The following CDH2 variants were observed in gnomAD, a reference collection of about 807,000 sequenced individuals.
The protein encoded by CDH2 is cadherin 2.
In CDH2, 17 loss-of-function variants were observed where a neutral mutation model predicts 92.0. The ratio of observed to expected loss-of-function variants is 0.18; its 90% CI spans 0.13 to 0.28. CDH2 has a LOEUF of 0.28. Ranked by LOEUF, CDH2 falls within the 10% of genes least tolerant of loss-of-function variation. The pLI, the probability that CDH2 is intolerant of heterozygous loss-of-function variation, is 1.00. For synonymous variants in CDH2, 419 were observed against 415.9 expected, an observed-to-expected ratio of 1.01 and a Z score of -0.09; for missense variants, 862 against 1,133.1, an observed-to-expected ratio of 0.76 and a Z score of 3.44.
intron 14 of CDH2, among the ~76,000 whole-genome samples, chr18:27,972,971 A>G (rs991671475): frequency 2.0e-5 from 3 of 152,196 alleles, no homozygotes; most frequent in African/African-American, 7.2e-5. Context: ...GGACTACGTT[A>G]AAAAAGTGTG....
At chr18:28,003,235 ATATT>A (rs1374069172) in intron 6 of CDH2, 66 bp from the exon 7 acceptor site, 38 of 1,226,864 alleles carry the variant, frequency 3.1e-5, no homozygotes, top group Middle Eastern at 1.9e-4. Context: ...AATAGAAGGT[ATATT>A]TATTGTTTTG....
Position 27,978,738 on chromosome 18 carries a change from G to A in CDH2, c.2349+4206C>T, listed in dbSNP as rs190139613. On this transcript the variant is annotated intron_variant, in intron 14 of 15. Coordinates refer to ENST00000269141, the MANE Select transcript of CDH2 (RefSeq NM_001792.5). Reference sequence around the variant, plus strand: ...CATAATCACAGCTCACTGCGGCCTCGACCTCCCAGGCTCAAGCAGTCCTCC... The same window carrying A: ...CATAATCACAGCTCACTGCGGCCTCAACCTCCCAGGCTCAAGCAGTCCTCC... Among the ~76,000 whole-genome samples, 129 of 152,040 alleles carry A rather than the reference G, an allele frequency of 8.5e-4. 1 individual carries two copies. Among genetic ancestry groups the A allele is most frequent in the Non-Finnish European group, 1.9e-4 (13 of 67,974 alleles).
At chr18:28,138,950 AT>A (rs2015908491) in intron 2 of CDH2, among the ~76,000 whole-genome samples, 2 of 152,112 alleles carry the variant, frequency 1.3e-5, no homozygotes, top group Non-Finnish European at 2.9e-5. Context: ...TGACAGTAGT[AT>A]TCTTGCAGAA....
chr18:27,998,775 C>T (rs1335615138), intron 7 of CDH2, among the ~76,000 whole-genome samples: 9 of 152,118 alleles, frequency 5.9e-5, no homozygotes, highest in South Asian at 4.2e-4. Context: ...TGCACCACCA[C>T]GCCTGGCTAA....
At chr18:28,147,992 G>A (rs900245802) in intron 1 of CDH2, among the ~76,000 whole-genome samples, 2 of 152,102 alleles carry the variant, frequency 1.3e-5, no homozygotes, top group Admixed American at 1.3e-4. Flanking sequence ...CACTTGTCTA[G>A]TCCAGTAAAA....
At chr18:27,946,702 A>G (rs17467858), downstream of CDH2, among the ~76,000 whole-genome samples, 573 of 152,168 alleles carry the variant, frequency 3.8e-3, 2 homozygotes, top group Non-Finnish European at 6.7e-3. Context: ...TTGAAAAAAC[A>G]AAGTATAAGA....
intron 2 of CDH2, among the ~76,000 whole-genome samples, chr18:28,028,735 A>T (rs907388874): frequency 6.6e-6 from 1 of 152,164 alleles, no homozygotes; most frequent in South Asian, 2.1e-4. Context: ...CAAGTAAACT[A>T]TAAGAATTTA....
intron 6 of CDH2, among the ~76,000 whole-genome samples, chr18:27,940,293 C>T (rs964134546): frequency 1.3e-5 from 2 of 152,148 alleles, no homozygotes; most frequent in Non-Finnish European, 2.9e-5. Context: ...AATCCAGACT[C>T]GCTCTTCTCT....
At chr18:27,986,715 T>C (rs1418099967) in intron 11 of CDH2, among the ~76,000 whole-genome samples, 3 of 152,138 alleles carry the variant, frequency 2.0e-5, no homozygotes, top group African/African-American at 4.8e-5. Flanking sequence ...GGAGGAATGT[T>C]TACCAACTTC....
In CDH2 at chr18:28,031,034, A is replaced by C. The variant is rs191950229; in HGVS notation, c.173-17125T>G. ...AAGGTTTTAAAAACCACCTGTACCA[A>C]GATGAATCTTGAATATATATGTCTA... On this transcript the variant is annotated intron_variant, in intron 2 of 15. Coordinates refer to ENST00000269141, the MANE Select transcript of CDH2 (RefSeq NM_001792.5). Among the ~76,000 whole-genome samples, 13 of 151,464 alleles carry C rather than the reference A, an allele frequency of 8.6e-5. No homozygotes were observed. In the East Asian group the frequency reaches 2.5e-3, roughly 30 times the overall value.
At chr18:28,076,532 C>T (rs1270904141) in intron 2 of CDH2, among the ~76,000 whole-genome samples, 2 of 151,984 alleles carry the variant, frequency 1.3e-5, no homozygotes, top group East Asian at 3.9e-4. Flanking sequence ...ATTTTAGATA[C>T]AGTTTTTTTT....
intron 14 of CDH2, among the ~76,000 whole-genome samples, chr18:27,971,942 C>T (rs2011671507): frequency 6.6e-6 from 1 of 152,210 alleles, no homozygotes; most frequent in Admixed American, 6.5e-5. Flanking sequence ...GCTTCATTCT[C>T]TAACACTTAA....
intron 2 of CDH2, among the ~76,000 whole-genome samples, chr18:28,089,126 A>G (rs2144207759): frequency 6.6e-6 from 1 of 152,318 alleles, no homozygotes; most frequent in Non-Finnish European, 1.5e-5. Flanking sequence ...TTTACATGTC[A>G]TTCAACTCTA....
chr18:28,028,136 G>C (rs2013606811), intron 2 of CDH2, among the ~76,000 whole-genome samples: 1 of 151,600 alleles, frequency 6.6e-6, no homozygotes, highest in South Asian at 2.1e-4. Context: ...TTGCTAATTG[G>C]CATTTTCAAA....
At chr18:28,041,311 T>C (rs537982696) in intron 2 of CDH2, among the ~76,000 whole-genome samples, 119 of 152,316 alleles carry the variant, frequency 7.8e-4, no homozygotes, top group African/African-American at 2.7e-3. Context: ...AAGGTATACA[T>C]GGGGACCAGG....
intron 1 of CDH2, 33 bp from the exon 2 acceptor site, chr18:28,147,817 C>T (rs1196014218): frequency 8.7e-7 from 1 of 1,153,996 alleles, no homozygotes; most frequent in South Asian, 1.3e-5. Context: ...AAAATGTGTG[C>T]AATGATTGCT....
intron 2 of CDH2, among the ~76,000 whole-genome samples, chr18:28,043,124 C>G (rs889084200): frequency 1.3e-5 from 2 of 151,876 alleles, no homozygotes; most frequent in African/African-American, 4.8e-5. Context: ...AGTCATAAAA[C>G]GGAACAAAAT....
chr18:28,048,637 A>G (rs1275603162), intron 2 of CDH2, among the ~76,000 whole-genome samples: 3 of 152,226 alleles, frequency 2.0e-5, no homozygotes, highest in Admixed American at 1.3e-4. Flanking sequence ...AGCTTTCATG[A>G]AGGTGTTTCT....
chr18:27,950,377 CAATTTTACAA>C (rs1909387293), downstream of CDH2, among the ~76,000 whole-genome samples: 1 of 152,050 alleles, frequency 6.6e-6, no homozygotes, highest in African/African-American at 2.4e-5. Flanking sequence ...GATACATAAA[CAATTTTACAA>C]AATTTAGCAA....
Sources: allele counts gnomAD v4.1 joint callset (sites outside exome capture counted in the v4.1 genomes callset), GRCh38; gene constraint gnomAD v4.1.1; transcripts MANE v1.5; gene names NCBI Gene and HGNC (gene_info 2026-07-23, HGNC 2026-07-21).